Variants in PTPRB observed in about 807,000 individuals in gnomAD.
PTPRB encodes protein tyrosine phosphatase receptor type B.
In PTPRB, 97 loss-of-function variants were observed where a neutral mutation model predicts 238.1. The observed-to-expected ratio is 0.41, with a 90% CI of 0.35 to 0.48. The LOEUF is 0.48. PTPRB is among the 20% of genes least tolerant of loss of function. The pLI, the probability that PTPRB is intolerant of heterozygous loss-of-function variation, is 0.30. For missense variants in PTPRB, 2,292 were observed against 2,681.9 expected, an observed-to-expected ratio of 0.85 and a Z score of 3.21; for synonymous variants, 970 against 995.4, an observed-to-expected ratio of 0.97 and a Z score of 0.48.
chr12:70,634,415 A>C (rs1362219875), intron 2 of PTPRB, among the ~76,000 whole-genome samples: 2 of 152,200 alleles, frequency 1.3e-5, no homozygotes, highest in African/African-American at 4.8e-5. Flanking sequence ...AGAGGAAAAA[A>C]TGGTGGGAAA....
At chr12:70,533,564 A>AAATT (rs1555221637) in intron 31 of PTPRB, among the ~76,000 whole-genome samples, 1 of 152,182 alleles carries the variant, frequency 6.6e-6, no homozygotes, top group Non-Finnish European at 1.5e-5. Context: ...TTAAGAGAAA[A>AAATT]AATTAGGTGC....
intron 21 of PTPRB, among the ~76,000 whole-genome samples, chr12:70,550,174 C>T (rs3782377): frequency 0.18 from 26,990 of 152,164 alleles, 2,949 homozygotes; most frequent in Middle Eastern, 0.3. Flanking sequence ...TGTGGGCTGA[C>T]AGGATAGTGT....
chr12:70,534,466 T>C (rs1873778641), intron 31 of PTPRB, 22 bp downstream of exon 31: 2 of 1,607,784 alleles, frequency 1.2e-6, no homozygotes, highest in East Asian at 4.5e-5. Context: ...GCCATTTTAT[T>C]GGCTGCTAGG....
chr12:70,621,576 T>C (rs1466764767), intron 3 of PTPRB, among the ~76,000 whole-genome samples: 2 of 152,200 alleles, frequency 1.3e-5, no homozygotes, highest in African/African-American at 4.8e-5. Context: ...TGATCAATAA[T>C]GAAACATGTG....
chr12:70,528,363 A>C (rs1872698441), intron 32 of PTPRB, among the ~76,000 whole-genome samples: 1 of 152,054 alleles, frequency 6.6e-6, no homozygotes, highest in Non-Finnish European at 1.5e-5. Flanking sequence ...ATTTTTTTGC[A>C]GGGAGCTGGC....
At chr12:70,583,521 T>C (rs1881593010) in intron 9 of PTPRB, among the ~76,000 whole-genome samples, 1 of 151,876 alleles carries the variant, frequency 6.6e-6, no homozygotes, top group Non-Finnish European at 1.5e-5. Context: ...TTTTCCAGGC[T>C]GAAGAAACTC....
At chr12:70,592,648 G>T in intron 6 of PTPRB, 103 bp from the exon 7 acceptor site, 2 of 1,257,572 alleles carry the variant, frequency 1.6e-6, no homozygotes, top group Non-Finnish European at 2.2e-6. Flanking sequence ...CACATTCCTT[G>T]CTCTGGAGAA....
At chr12:70,527,029 CAAA>C (rs1263544244) in intron 32 of PTPRB, among the ~76,000 whole-genome samples, 2 of 152,112 alleles carry the variant, frequency 1.3e-5, no homozygotes, top group Non-Finnish European at 2.9e-5. Context: ...GAAAAGTAGA[CAAA>C]ATATATGAAT....
At chr12:70,571,724 A>C (rs1880073592) in intron 12 of PTPRB, 100 bp downstream of exon 12, 1 of 1,296,266 alleles carries the variant, frequency 7.7e-7, no homozygotes, top group Non-Finnish European at 1.1e-6. Context: ...CTGGGAATGT[A>C]ATGTACTAAT....
chr12:70,631,323 T>C (rs972669483), intron 2 of PTPRB, among the ~76,000 whole-genome samples: 1 of 152,128 alleles, frequency 6.6e-6, no homozygotes, highest in African/African-American at 2.4e-5. Context: ...AAACAAGCAA[T>C]GGGGAAAGGA....
At chr12:70,555,820 C>A in intron 19 of PTPRB, 50 bp downstream of exon 19, 1 of 1,592,502 alleles carries the variant, frequency 6.3e-7, no homozygotes, top group Admixed American at 1.7e-5. Flanking sequence ...GTGCACAGCC[C>A]CTTCACTCCA....
chr12:70,527,501 C>T (rs1872598910), intron 32 of PTPRB, among the ~76,000 whole-genome samples: 1 of 97,034 alleles, frequency 1.0e-5, no homozygotes, highest in Non-Finnish European at 2.0e-5. Flanking sequence ...CTCAGTGTTT[C>T]CTTCCCAGGA....
At chr12:70,608,959 T>C in intron 4 of PTPRB, 110 bp downstream of exon 4, 1 of 1,397,934 alleles carries the variant, frequency 7.2e-7, no homozygotes, top group Non-Finnish European at 9.8e-7. Flanking sequence ...TTCACAGGTA[T>C]TTTTACCTTC....
intron 18 of PTPRB, among the ~76,000 whole-genome samples, chr12:70,556,690 C>CA (rs746250180): frequency 2.0e-5 from 3 of 151,822 alleles, no homozygotes; most frequent in African/African-American, 4.8e-5. Flanking sequence ...GGATATATGC[C>CA]AAAAAAACTA....
At chr12:70,525,722 C>T (rs971340615) in intron 32 of PTPRB, among the ~76,000 whole-genome samples, 5 of 152,160 alleles carry the variant, frequency 3.3e-5, no homozygotes, top group East Asian at 1.9e-4. Context: ...TTGATTTCTG[C>T]GGAACCTTCC....
intron 21 of PTPRB, 87 bp downstream of exon 21, chr12:70,552,690 A>G: frequency 6.7e-7 from 1 of 1,500,094 alleles, no homozygotes; most frequent in Non-Finnish European, 9.1e-7. Context: ...TAATCTATGG[A>G]AGCTCGCATG....
At chr12:70,633,941 T>C (rs1453274428) in intron 2 of PTPRB, among the ~76,000 whole-genome samples, 1 of 152,170 alleles carries the variant, frequency 6.6e-6, no homozygotes, top group African/African-American at 2.4e-5. Context: ...GGAACAGTTA[T>C]AATGTTTCTA....
Position 70,517,959 on chromosome 12 carries a change from C to T in PTPRB, c.*3530G>A, listed in dbSNP as rs2136183652. 1 of 152,260 alleles carries T rather than the reference C, an allele frequency of 6.6e-6. No individual in the cohort carries two copies. The highest frequency in any genetic ancestry group is 1.5e-5 in the Non-Finnish European group (1 of 68,034). The allele number at this position is 152,260 out of a possible 1,614,324, so 9.4% of individuals were successfully genotyped here. ...TTAAACAGCAAGGCAAGAGAATCAG[C>T]ATGTGAAGGGTAGCATGTGAGGTCT... On this transcript the variant is annotated 3_prime_UTR_variant, in exon 34 of 34. Coordinates refer to ENST00000334414, the MANE Select transcript of PTPRB (RefSeq NM_001109754.4).
rs768443437 is a variant in PTPRB, at chr12:70,559,390, T to A, written c.4667A>T (p.Asp1556Val). ...YQFNVKTVSG[D>V]SWKTYSKPIF... ...TGGTTTGCTGTAAGTTTTCCAGGAA[T>A]CACCACTGACAGTCTTGACGTTGAA... Residue 1556 changes from aspartate (D) to valine (V), a missense_variant, in exon 18 of 34, where the codon GAT (aspartate) becomes GTT (valine). By Grantham distance (152) the Asp-to-Val change is radical. Around this residue, in one of 4 missense-constraint regions of PTPRB, gnomAD observed 683 missense variants for 862.0 expected, o/e 0.79. Transcript: ENST00000334414. The A allele has an allele frequency of 1.9e-5, 30 of 1,613,810 alleles. No homozygotes were observed. The highest frequency in any genetic ancestry group is 2.5e-5 in the Non-Finnish European group (30 of 1,179,808).
Sources: allele counts gnomAD v4.1 joint callset (sites outside exome capture counted in the v4.1 genomes callset), GRCh38; gene constraint gnomAD v4.1.1; regional missense constraint gnomAD v4.1.1; transcripts MANE v1.5; gene names NCBI Gene and HGNC (gene_info 2026-07-23, HGNC 2026-07-21).